ARHGAP31: variants seen among roughly 807,000 people sequenced by gnomAD.
ARHGAP31 encodes the protein rho GTPase-activating protein 31.
Under a neutral mutation model 113.9 loss-of-function variants are expected in ARHGAP31, and 34 were observed. That is an observed-to-expected ratio of 0.30 (90% CI 0.23 to 0.40). The LOEUF (loss-of-function observed/expected upper bound fraction) is 0.40, where lower values mean the gene tolerates loss of function less well. Ranked by LOEUF, ARHGAP31 falls within the 10% of genes least tolerant of loss-of-function variation. ARHGAP31 has a pLI of 1.00. For missense variants in ARHGAP31, 1,548 were observed against 1,767.1 expected (o/e 0.88, Z 2.22); for synonymous variants, 650 against 684.8 (o/e 0.95, Z 0.79).
chr3:119,354,931 C>G (rs1483671039), intron 1 of ARHGAP31, among the ~76,000 whole-genome samples: 1 of 151,782 alleles, frequency 6.6e-6, no homozygotes, highest in Non-Finnish European at 1.5e-5. Context: ...TAACCATGAG[C>G]TGTTGAACAC....
At chr3:119,387,462 AT>A (rs1472272174) in intron 6 of ARHGAP31, among the ~76,000 whole-genome samples, 2 of 152,188 alleles carry the variant, frequency 1.3e-5, no homozygotes, top group Non-Finnish European at 2.9e-5. Context: ...TGGTATAACT[AT>A]TCTTGTTTTA....
At chr3:119,321,535 A>G (rs1312654430) in intron 1 of ARHGAP31, among the ~76,000 whole-genome samples, 1 of 150,036 alleles carries the variant, frequency 6.7e-6, no homozygotes, top group Non-Finnish European at 1.5e-5. Context: ...TTGTGATTAC[A>G]CTGTGTGTGT....
At chr3:119,347,204 T>G (rs1473835148) in intron 1 of ARHGAP31, among the ~76,000 whole-genome samples, 7 of 152,150 alleles carry the variant, frequency 4.6e-5, no homozygotes, top group Admixed American at 4.6e-4. Context: ...TTTCTTCCAC[T>G]CATTCCTCTA....
intron 1 of ARHGAP31, among the ~76,000 whole-genome samples, chr3:119,361,190 T>C (rs1458661017): frequency 6.6e-6 from 1 of 152,162 alleles, no homozygotes; most frequent in Non-Finnish European, 1.5e-5. Context: ...CTATTCTGAG[T>C]GTGAGCTGCA....
rs886057802 is a variant in ARHGAP31, at chr3:119,415,805, A to G, written c.3876A>G (p.Pro1292=). Residue 1292 remains proline (P), a synonymous_variant, in exon 12 of 12, where the codon CCA becomes CCG. Coordinates refer to ENST00000264245, the MANE Select transcript of ARHGAP31 (RefSeq NM_020754.4). ...MCEGPTLSPE[P]GSSNLLSTQD... ...AGGGACCTACCCTTTCTCCAGAACCAGGCTCGTCTAACCTGCTCTCCACCC... is the reference window on the plus strand; with the variant it reads ...AGGGACCTACCCTTTCTCCAGAACCGGGCTCGTCTAACCTGCTCTCCACCC... The G allele has an allele frequency of 6.2e-7, 1 of 1,614,240 alleles. No homozygotes were observed. Among genetic ancestry groups the G allele is most frequent in the Non-Finnish European group, 8.5e-7 (1 of 1,180,042 alleles).
intron 1 of ARHGAP31, among the ~76,000 whole-genome samples, chr3:119,315,682 T>A (rs562736411): frequency 5.9e-5 from 9 of 152,352 alleles, no homozygotes; most frequent in Middle Eastern, 3.4e-3. Flanking sequence ...CATACTCACA[T>A]CTCTGATGTG....
At chr3:119,304,485 G>A (rs370443426) in intron 1 of ARHGAP31, among the ~76,000 whole-genome samples, 1 of 152,132 alleles carries the variant, frequency 6.6e-6, no homozygotes, top group Non-Finnish European at 1.5e-5. Flanking sequence ...GAATTTGCCT[G>A]ACACTTGGAA....
rs1181254858 is a variant in ARHGAP31 at position 119,402,167 on chromosome 3, A to C, written c.1415A>C (p.Gln472Pro). The C allele has an allele frequency of 2.5e-6, 4 of 1,614,282 alleles. No homozygotes were observed. ...TCCGTCTTCACCAGCAGCCTCTTCC[A>C]GATGGAGCCCTCGCCGCGTAACCAG... ...SKSVFTSSLF[Q>P]MEPSPRNQRK... The change falls in exon 10 of 12, where the codon CAG (glutamine) becomes CCG (proline). Residue 472 changes from glutamine (Q) to proline (P), a missense_variant. Physicochemically the swap from Gln to Pro is moderately conservative, Grantham distance 76 (BLOSUM62 -1). Coordinates refer to ENST00000264245, the MANE Select transcript of ARHGAP31 (RefSeq NM_020754.4).
At position 119,318,377 on chromosome 3, in the gene ARHGAP31, G is replaced by T. The variant is rs940377347; in HGVS notation, c.100+23373G>T. ...GTTATCTCCATTTGAACTCTTGAAG[G>T]TATAATAAGAATATTTCAAAGACGG... On this transcript the variant is annotated intron_variant, in intron 1 of 11. Coordinates refer to ENST00000264245, the MANE Select transcript of ARHGAP31 (RefSeq NM_020754.4). Among the ~76,000 whole-genome samples, 4 of 152,204 alleles carry T rather than the reference G, an allele frequency of 2.6e-5. No individual in the cohort carries two copies. The South Asian group carries it at 8.3e-4, about 31-fold the overall frequency.
At chr3:119,411,661 G>T (rs757502653) in intron 11 of ARHGAP31, among the ~76,000 whole-genome samples, 1 of 152,208 alleles carries the variant, frequency 6.6e-6, no homozygotes, top group Non-Finnish European at 1.5e-5. Context: ...TCCCCGCTCC[G>T]AAGGAGGGCA....
At chr3:119,373,918 G>C (rs114703178) in intron 3 of ARHGAP31, among the ~76,000 whole-genome samples, 15 of 152,330 alleles carry the variant, frequency 9.8e-5, no homozygotes, top group African/African-American at 3.4e-4. Context: ...ACAATCAGAT[G>C]TGCACACAAA....
intron 1 of ARHGAP31, among the ~76,000 whole-genome samples, chr3:119,323,011 C>T (rs1162937780): frequency 1.3e-5 from 2 of 152,248 alleles, no homozygotes; most frequent in East Asian, 1.9e-4. Context: ...GGCGCCCGCC[C>T]GGCGCTTCAG....
chr3:119,390,626 G>A (rs916405185), intron 6 of ARHGAP31, among the ~76,000 whole-genome samples, 159 bp from the exon 7 acceptor site: 1 of 152,228 alleles, frequency 6.6e-6, no homozygotes, highest in African/African-American at 2.4e-5. Flanking sequence ...AGTTTCCGGT[G>A]TGCAGCCTCA....
intron 1 of ARHGAP31, among the ~76,000 whole-genome samples, chr3:119,343,458 T>C (rs1366842283): frequency 2.0e-4 from 30 of 152,180 alleles, no homozygotes. Context: ...ACAGTAAATG[T>C]TTGAGGAAAA....
intron 1 of ARHGAP31, among the ~76,000 whole-genome samples, chr3:119,307,988 G>A (rs972412359): frequency 7.7e-6 from 1 of 129,506 alleles, no homozygotes; most frequent in African/African-American, 2.9e-5. Context: ...AGGAACAGCA[G>A]CAGAGTATAT....
At chr3:119,300,107 C>A (rs2079567707) in intron 1 of ARHGAP31, among the ~76,000 whole-genome samples, 1 of 152,236 alleles carries the variant, frequency 6.6e-6, no homozygotes, top group Non-Finnish European at 1.5e-5. Context: ...AGAATCCCAA[C>A]TTTGCTTGTT....
intron 1 of ARHGAP31, among the ~76,000 whole-genome samples, chr3:119,361,162 G>T (rs2080202985): frequency 6.6e-6 from 1 of 152,144 alleles, no homozygotes; most frequent in African/African-American, 2.4e-5. Flanking sequence ...ACCCTCCAGG[G>T]CTATTTTCAG....
chr3:119,376,699 C>G (rs911441729), intron 3 of ARHGAP31, among the ~76,000 whole-genome samples: 3 of 151,810 alleles, frequency 2.0e-5, no homozygotes, highest in African/African-American at 4.8e-5. Context: ...CCCCTGTGCC[C>G]TACACTACCA....
At chr3:119,337,368 C>T (rs1164857879) in intron 1 of ARHGAP31, among the ~76,000 whole-genome samples, 4 of 152,194 alleles carry the variant, frequency 2.6e-5, no homozygotes, top group African/African-American at 4.8e-5. Context: ...GCTTCATGCT[C>T]TCGCTGACTT....
Sources: gnomAD v4.1 joint callset for allele counts (sites outside exome capture counted in the v4.1 genomes callset) on GRCh38, gnomAD v4.1.1 for gene constraint, MANE v1.5 for transcripts, NCBI Gene and HGNC (gene_info 2026-07-23, HGNC 2026-07-21) for gene names.